ADCY2: variants seen among roughly 807,000 people sequenced by gnomAD.
The protein encoded by ADCY2 is adenylate cyclase 2, also known as adenylate cyclase type 2.
ADCY2 carries 31 observed loss-of-function variants against 125.2 expected under a neutral mutation model. The observed-to-expected ratio is 0.25, with a 90% CI of 0.19 to 0.33. The LOEUF is 0.33. ADCY2 is among the 10% of genes least tolerant of loss of function. The pLI is 1.00. For missense variants in ADCY2, 904 were observed against 1,418.2 expected (o/e 0.64, Z 5.82); for synonymous variants, 512 against 548.4 (o/e 0.93, Z 0.93).
intron 2 of ADCY2, among the ~76,000 whole-genome samples, chr5:7,441,538 A>G (rs888021368): frequency 2.3e-4 from 35 of 152,236 alleles, no homozygotes; most frequent in Non-Finnish European, 1.6e-4. Flanking sequence ...AAAAATAAAG[A>G]AAAAAAGCCC....
rs70940743 is a variant in ADCY2 at position 7,506,789 on chromosome 5, CTTTTTTTTTTT to C, written c.409-13930_409-13920del. ...AGGGGTAAATGTGTGATGCGTTGCT[CTTTTTTTTTTT>C]TTTTTTTTTTTTTTTTTTGCTCTGT... On this transcript the variant is annotated intron_variant, in intron 2 of 24. Transcript: ENST00000338316. Among the ~76,000 whole-genome samples, 33 of 55,066 alleles carry C rather than the reference CTTTTTTTTTTT, an allele frequency of 6.0e-4. 1 individual carries two copies. The highest frequency in any genetic ancestry group is 2.3e-3 in the South Asian group (3 of 1,332). The allele number at this position is 55,066 out of a possible 152,430, so 36.1% of individuals were successfully genotyped here. A position where few individuals can be genotyped will look rare whatever the true frequency, so the allele number is the denominator to read the frequency against.
Position 7,583,567 on chromosome 5 carries a change from C to A in ADCY2, c.571-42600C>A, listed in dbSNP as rs144399304. ...TGAAACCAGAATGAGATAACACTAC[C>A]CATATATCAAAATGACTCAATTTAA... On this transcript the variant is annotated intron_variant, in intron 3 of 24. Transcript: ENST00000338316. Among the ~76,000 whole-genome samples, 3 of 152,012 alleles carry A rather than the reference C, an allele frequency of 2.0e-5. No individual in the cohort carries two copies. In the South Asian group the frequency reaches 6.2e-4, roughly 32 times the overall value.
chr5:7,455,986 A>T (rs904615882), intron 2 of ADCY2, among the ~76,000 whole-genome samples: 1 of 150,744 alleles, frequency 6.6e-6, no homozygotes, highest in Non-Finnish European at 1.5e-5. Flanking sequence ...AAATTTTAAA[A>T]TTGTAAATAA....
At chr5:7,766,949 A>G in intron 17 of ADCY2, 143 bp downstream of exon 17, 1 of 1,110,690 alleles carries the variant, frequency 9.0e-7, no homozygotes, top group Admixed American at 3.0e-5. Flanking sequence ...TGAATTTACA[A>G]ATGTCAGCCT....
chr5:7,812,106 A>G (rs1388910666), intron 22 of ADCY2, among the ~76,000 whole-genome samples: 1 of 152,166 alleles, frequency 6.6e-6, no homozygotes, highest in African/African-American at 2.4e-5. Flanking sequence ...GGAGTCATAC[A>G]GAGACCGTCC....
chr5:7,722,960 C>CAAAAAAAAAA (rs60426818), intron 12 of ADCY2, among the ~76,000 whole-genome samples: 11 of 51,668 alleles, frequency 2.1e-4, no homozygotes, highest in Non-Finnish European at 2.4e-4. Flanking sequence ...AACTCCATCT[C>CAAAAAAAAAA]AAAAAAAAAA....
intron 3 of ADCY2, among the ~76,000 whole-genome samples, chr5:7,612,157 G>GA (rs1399413603): frequency 6.6e-6 from 1 of 151,068 alleles, no homozygotes; most frequent in African/African-American, 2.4e-5. Context: ...ATACCAGCAA[G>GA]AAAAAAAAGG....
chr5:7,626,373 G>C, intron 4 of ADCY2, 57 bp downstream of exon 4: 1 of 1,570,748 alleles, frequency 6.4e-7, no homozygotes, highest in Non-Finnish European at 8.7e-7. Context: ...AAATGATGCT[G>C]TTACTATTAA....
At chr5:7,401,952 A>G (rs1739278864) in intron 1 of ADCY2, among the ~76,000 whole-genome samples, 1 of 152,194 alleles carries the variant, frequency 6.6e-6, no homozygotes, top group Non-Finnish European at 1.5e-5. Context: ...CAATTCATTG[A>G]ACCTGACTCA....
chr5:7,477,218 C>T (rs960571768), intron 2 of ADCY2, among the ~76,000 whole-genome samples: 1 of 151,744 alleles, frequency 6.6e-6, no homozygotes, highest in African/African-American at 2.4e-5. Flanking sequence ...AAAGAGACCC[C>T]CATTAAAAGA....
intron 13 of ADCY2, among the ~76,000 whole-genome samples, chr5:7,725,134 A>G (rs1435793934): frequency 6.6e-6 from 1 of 152,192 alleles, no homozygotes; most frequent in African/African-American, 2.4e-5. Flanking sequence ...GTAAGCAGAC[A>G]TTTAGTTTTT....
Position 7,592,148 on chromosome 5 carries a change from G to A in ADCY2, c.571-34019G>A, listed in dbSNP as rs13354557. Among the ~76,000 whole-genome samples the A allele has an allele frequency of 8.5e-3, 1,295 of 152,204 alleles. 18 individuals are homozygous for A. Among genetic ancestry groups the A allele is most frequent in the African/African-American group, 0.029 (1,222 of 41,530 alleles). On this transcript the variant is annotated intron_variant, in intron 3 of 24. Transcript: ENST00000338316. Reference sequence around the variant, plus strand: ...CTTATTGCCTTTAGGTTTCAGTCTTGTTTAGAAAAGTATCTCCCATTGCCA... The same window carrying A: ...CTTATTGCCTTTAGGTTTCAGTCTTATTTAGAAAAGTATCTCCCATTGCCA...
Position 7,828,580 on chromosome 5 carries a change from G to A in ADCY2, c.*1709G>A, listed in dbSNP as rs1010974249. The stretch of plus-strand genomic sequence containing the variant: ...ACCGTCCTTCATCACCGAAGTGTGA[G>A]TAGAGCATGACTTATTTAGTATTCT... On this transcript the variant is annotated 3_prime_UTR_variant, in exon 25 of 25. Coordinates refer to ENST00000338316, the MANE Select transcript of ADCY2 (RefSeq NM_020546.3). The A allele has an allele frequency of 5.9e-5, 9 of 152,348 alleles. No homozygotes were observed. Among genetic ancestry groups the A allele is most frequent in the African/African-American group, 1.7e-4 (7 of 41,446 alleles). 9.4% of individuals were successfully genotyped at this position (152,348 alleles called of 1,614,324 possible). A position where few individuals can be genotyped will look rare whatever the true frequency, so the allele number is the denominator to read the frequency against.
At chr5:7,403,000 A>C (rs1270531716) in intron 1 of ADCY2, among the ~76,000 whole-genome samples, 1 of 152,126 alleles carries the variant, frequency 6.6e-6, no homozygotes, top group Non-Finnish European at 1.5e-5. Flanking sequence ...CATTTATATC[A>C]ATGTCCTTTG....
At chr5:7,413,461 T>C (rs74505758) in intron 1 of ADCY2, among the ~76,000 whole-genome samples, 1 of 101,516 alleles carries the variant, frequency 9.9e-6, no homozygotes, top group Non-Finnish European at 2.4e-5. Flanking sequence ...GCGCGGCTAA[T>C]TTTTTTTTTT....
chr5:7,603,708 G>A (rs138622332), intron 3 of ADCY2, among the ~76,000 whole-genome samples: 8 of 130,336 alleles, frequency 6.1e-5, no homozygotes, highest in Non-Finnish European at 9.9e-5. Flanking sequence ...AGAAGACACC[G>A]TCGTTAGGGC....
chr5:7,488,258 A>G lies in ADCY2; in HGVS notation c.409-32480A>G, dbSNP rs1246168200. 3.9e-5 allele frequency among the ~76,000 whole-genome samples: 6 copies of G among 152,234 alleles called. No homozygotes were observed. The East Asian group carries it at 1.2e-3, about 29-fold the overall frequency. On this transcript the variant is annotated intron_variant, in intron 2 of 24. Coordinates refer to ENST00000338316, the MANE Select transcript of ADCY2 (RefSeq NM_020546.3). The stretch of plus-strand genomic sequence containing the variant: ...TGCACAAGCTCTCTTGCCGGCCACC[A>G]TGTAAGACACCCGTTTGCTCTTCCT...
chr5:7,641,917 A>G lies in ADCY2; in HGVS notation c.720+15601A>G, dbSNP rs79473902. 7.4e-3 allele frequency among the ~76,000 whole-genome samples: 1,127 copies of G among 152,234 alleles called. 13 individuals carry two copies. Among genetic ancestry groups the G allele is most frequent in the African/African-American group, 0.026 (1,060 of 41,546 alleles). ...ATCCATACCACATTTTCTTTAATCA[A>G]TCCACCATTGATGGGCTTTTAGATA... On this transcript the variant is annotated intron_variant, in intron 4 of 24. Transcript: ENST00000338316.
At chr5:7,719,648 C>T (rs1258553520) in intron 12 of ADCY2, among the ~76,000 whole-genome samples, 2 of 152,228 alleles carry the variant, frequency 1.3e-5, no homozygotes, top group Admixed American at 6.5e-5. Context: ...AGTCTTTCCC[C>T]AGTGCATGCC....
Sources: gnomAD v4.1 joint callset for allele counts (sites outside exome capture counted in the v4.1 genomes callset) on GRCh38, gnomAD v4.1.1 for gene constraint, MANE v1.5 for transcripts, NCBI Gene and HGNC (gene_info 2026-07-23, HGNC 2026-07-21) for gene names.